KCNQ1: variants seen among roughly 807,000 people sequenced by gnomAD.
KCNQ1 encodes potassium voltage-gated channel subfamily Q member 1, also known as potassium voltage-gated channel subfamily KQT member 1.
KCNQ1 carries 49 observed loss-of-function variants against 72.4 expected under a neutral mutation model. The ratio of observed to expected loss-of-function variants is 0.68; its 90% CI spans 0.54 to 0.86. The LOEUF is 0.86. KCNQ1 is among the 40% of genes least tolerant of loss of function. The pLI, the probability that KCNQ1 is intolerant of heterozygous loss-of-function variation, is 0.00. For synonymous variants in KCNQ1, 450 were observed against 412.6 expected (o/e 1.09, Z -1.10); for missense variants, 790 against 945.1 (o/e 0.84, Z 2.15).
Position 2,669,701 on chromosome 11 carries a change from T to C in KCNQ1, c.1514+7620T>C. The C allele has an allele frequency of 2.5e-6, 1 of 398,652 alleles. No individual in the cohort carries two copies. 24.7% of individuals were successfully genotyped at this position (398,652 alleles called of 1,614,324 possible). On this transcript the variant is annotated intron_variant, in intron 11 of 15. Transcript: ENST00000155840. This position sits in a 1 kb window ranked among gnomAD's most constrained non-coding sequence, Gnocchi z 5.6. ...GGCCTTGAGGAGATGGTGTTAGGCA[T>C]CCAGCCACATACCTGACTCGGGGAA... is the stretch of plus-strand genomic sequence containing the variant.
chr11:2,676,872 C>G lies in KCNQ1; in HGVS notation c.1514+14791C>G. On this transcript the variant is annotated intron_variant, in intron 11 of 15. Transcript: ENST00000155840. The surrounding 1 kb of genome is among the most constrained non-coding windows in gnomAD (Gnocchi z 4.2). ...GTCAGCTTTGACTGGGGAGCCCTTT[C>G]ATTTCTTAGTAAGTGTTCAGCCCCA... 2.5e-6 allele frequency: 1 copy of G among 398,614 alleles called. No homozygotes were observed. The highest frequency in any genetic ancestry group is 4.4e-6 in the Non-Finnish European group (1 of 226,048). 24.7% of individuals were successfully genotyped at this position (398,614 alleles called of 1,614,324 possible).
At chr11:2,487,032 C>A (rs1846751106) in intron 1 of KCNQ1, among the ~76,000 whole-genome samples, 1 of 152,118 alleles carries the variant, frequency 6.6e-6, no homozygotes, top group Non-Finnish European at 1.5e-5. Flanking sequence ...ATATTTGATC[C>A]ATTTTGAGTT....
intron 14 of KCNQ1, among the ~76,000 whole-genome samples, chr11:2,777,382 A>G (rs894677752): frequency 2.0e-5 from 3 of 152,058 alleles, no homozygotes; most frequent in African/African-American, 7.2e-5. Flanking sequence ...CCAGCCCAGA[A>G]TTCAAGAGAC....
At chr11:2,672,553 G>A (rs1850205602) in intron 11 of KCNQ1, 1 of 398,696 alleles carries the variant, frequency 2.5e-6, no homozygotes, top group Non-Finnish European at 4.4e-6. Flanking sequence ...ACATTGGAAG[G>A]TGGCCTTATC....
At chr11:2,836,726 C>T (rs1204355901) in intron 15 of KCNQ1, among the ~76,000 whole-genome samples, 1 of 152,252 alleles carries the variant, frequency 6.6e-6, no homozygotes, top group Non-Finnish European at 1.5e-5. Flanking sequence ...ATGTGTGTCA[C>T]ATCACGCCTC....
At chr11:2,801,669 A>T (rs755853481) in intron 15 of KCNQ1, among the ~76,000 whole-genome samples, 45 of 152,106 alleles carry the variant, frequency 3.0e-4, no homozygotes, top group Admixed American at 2.8e-3. Flanking sequence ...GGGCTTCAAC[A>T]TGTGAATTTA....
rs1203198365 is a variant in KCNQ1, at chr11:2,547,939, G to A, written c.477+19921G>A. ...GTGCCTGGCGCGGGTGGAGGGAGCT[G>A]TGAGGAGCCTGTAGCATTCAGAGAC... On this transcript the variant is annotated intron_variant, in intron 2 of 15. Transcript: ENST00000155840. The surrounding 1 kb of genome is among the most constrained non-coding windows in gnomAD (Gnocchi z 4.2). 6.6e-6 allele frequency among the ~76,000 whole-genome samples: 1 copy of A among 152,242 alleles called. No homozygotes were observed. The highest frequency in any genetic ancestry group is 1.5e-5 in the Non-Finnish European group (1 of 68,044).
At chr11:2,561,464 C>T (rs1174016418) in intron 2 of KCNQ1, among the ~76,000 whole-genome samples, 2 of 152,216 alleles carry the variant, frequency 1.3e-5, no homozygotes, top group Admixed American at 6.5e-5. Flanking sequence ...CTTCCTGCTA[C>T]ACTATTCCCA....
In KCNQ1 at chr11:2,577,461, G is replaced by A. The variant is rs1589961616; in HGVS notation, c.921+4475G>A. On this transcript the variant is annotated intron_variant, in intron 6 of 15. Coordinates refer to ENST00000155840, the MANE Select transcript of KCNQ1 (RefSeq NM_000218.3). ...AGCCTGGCTGTACCTCGGGGAAGAC[G>A]CGGCCTGGGGCCTGGGTGCCATGGG... is the stretch of plus-strand genomic sequence containing the variant. Among the ~76,000 whole-genome samples the A allele has an allele frequency of 2.6e-5, 4 of 152,202 alleles. No homozygotes were observed. In the South Asian group the frequency reaches 8.3e-4, roughly 31 times the overall value.
intron 10 of KCNQ1, chr11:2,631,779 C>T: frequency 2.5e-6 from 1 of 398,592 alleles, no homozygotes; most frequent in East Asian, 3.6e-5. Flanking sequence ...TCAGCAGTGG[C>T]AAACATTACA....
intron 10 of KCNQ1, chr11:2,618,552 G>C (rs1564835273): frequency 2.5e-6 from 1 of 398,380 alleles, no homozygotes; most frequent in Non-Finnish European, 4.4e-6. Flanking sequence ...CTGTTCCACT[G>C]GTCTACATGT....
chr11:2,591,195 G>T (rs769004370), intron 10 of KCNQ1, among the ~76,000 whole-genome samples: 1 of 152,212 alleles, frequency 6.6e-6, no homozygotes. Flanking sequence ...AGCCCAGCCC[G>T]CCAAGCTCCA....
chr11:2,591,122 C>T, intron 10 of KCNQ1, among the ~76,000 whole-genome samples: 1 of 152,262 alleles, frequency 6.6e-6, no homozygotes, highest in Non-Finnish European at 1.5e-5. Flanking sequence ...GCTGTCACAT[C>T]TTATGCATGG....
chr11:2,635,781 C>A (rs1268661267), intron 10 of KCNQ1: 1 of 152,104 alleles, frequency 6.6e-6, no homozygotes, highest in Non-Finnish European at 1.5e-5. Flanking sequence ...GGCAGTATGG[C>A]CATTTTCATG....
intron 2 of KCNQ1, among the ~76,000 whole-genome samples, chr11:2,546,095 A>T (rs1057320900): frequency 7.9e-5 from 12 of 151,132 alleles, no homozygotes; most frequent in Non-Finnish European, 1.3e-4. Context: ...TTGAATAGAA[A>T]TTTTTTTTTC....
intron 15 of KCNQ1, 120 bp downstream of exon 15, chr11:2,778,157 C>G (rs1303147240): frequency 1.1e-6 from 1 of 944,834 alleles, no homozygotes; most frequent in African/African-American, 1.6e-5. Flanking sequence ...CCCGCCAGTG[C>G]CTACTGCAGC....
intron 2 of KCNQ1, among the ~76,000 whole-genome samples, chr11:2,546,749 A>T (rs1396966367): frequency 6.6e-6 from 1 of 152,196 alleles, no homozygotes; most frequent in African/African-American, 2.4e-5. Context: ...ATACAAGTAT[A>T]CCATGTGTTC....
intron 1 of KCNQ1, among the ~76,000 whole-genome samples, chr11:2,503,318 G>A (rs11517737): frequency 0.52 from 79,387 of 151,912 alleles, 22,505 homozygotes; most frequent in Non-Finnish European, 0.64. Context: ...TCAAACAACC[G>A]CACAAGGAAA....
At chr11:2,686,180 C>T (rs1850486635) in intron 11 of KCNQ1, 1 of 398,880 alleles carries the variant, frequency 2.5e-6, no homozygotes, top group Non-Finnish European at 4.4e-6. Context: ...ACAGCAATGC[C>T]TACTCATCCT....
Sources: allele counts gnomAD v4.1 joint callset (sites outside exome capture counted in the v4.1 genomes callset), GRCh38; gene constraint gnomAD v4.1.1; non-coding constraint Gnocchi (gnomAD v3.1); transcripts MANE v1.5; gene names NCBI Gene and HGNC (gene_info 2026-07-23, HGNC 2026-07-21).